BCL7C: variants seen among roughly 807,000 people sequenced by gnomAD.
BCL7C encodes the protein B-cell CLL/lymphoma 7 protein family member C.
A neutral mutation model predicts 26.2 loss-of-function variants in BCL7C; 8 were observed. That is an observed-to-expected ratio of 0.30 (90% CI 0.18 to 0.55). The LOEUF is 0.55. BCL7C is among the 20% of genes least tolerant of loss of function. The probability of loss-of-function intolerance (pLI) is 0.93; values close to 1 mark genes in which losing one functional copy is unlikely to be tolerated. For synonymous variants in BCL7C, 90 were observed against 116.5 expected (o/e 0.77, Z 1.47); for missense variants, 262 against 298.5 (o/e 0.88, Z 0.90).
downstream of BCL7C, among the ~76,000 whole-genome samples, chr16:30,886,121 T>G (rs567816932): frequency 1.3e-5 from 2 of 152,324 alleles, no homozygotes; most frequent in South Asian, 4.1e-4. Flanking sequence ...ATTACAGGTG[T>G]GAGCCACCAC....
intron 5 of BCL7C, among the ~76,000 whole-genome samples, chr16:30,871,720 G>T (rs2054884068): frequency 6.6e-6 from 1 of 152,078 alleles, no homozygotes; most frequent in African/African-American, 2.4e-5. Context: ...CCTGACCTCA[G>T]GTGATCTGCC....
At chr16:30,845,629 G>A (rs1219880035) in intron 5 of BCL7C, among the ~76,000 whole-genome samples, 1 of 152,134 alleles carries the variant, frequency 6.6e-6, no homozygotes, top group Non-Finnish European at 1.5e-5. Flanking sequence ...AGCCCTTGTG[G>A]GAGAAGATTC....
intron 5 of BCL7C, among the ~76,000 whole-genome samples, chr16:30,847,013 G>A (rs1442208760): frequency 6.6e-6 from 1 of 152,184 alleles, no homozygotes; most frequent in Non-Finnish European, 1.5e-5. Context: ...GTACAGTCGA[G>A]TTATTACAAA....
rs904637041 is a variant in BCL7C, at chr16:30,852,485, A to G, written c.529-17337T>C. The stretch of plus-strand genomic sequence containing the variant: ...ACTTTTGCACTCACTTAGTAACTTT[A>G]TAACTTTTTTTTTTTTTTTTTTTTG... On this transcript the variant is annotated intron_variant, in intron 5 of 5. Coordinates refer to the BCL7C transcript ENST00000380317. Among the ~76,000 whole-genome samples, 5 of 150,676 alleles carry G rather than the reference A, an allele frequency of 3.3e-5. No homozygotes were observed. In the East Asian group the frequency reaches 9.7e-4, roughly 29 times the overall value.
chr16:30,868,739 T>C (rs570300372), intron 5 of BCL7C, among the ~76,000 whole-genome samples: 3 of 151,624 alleles, frequency 2.0e-5, no homozygotes, highest in South Asian at 2.1e-4. Context: ...GAGCGGAGAT[T>C]GCGCCATTGC....
At chr16:30,868,129 GT>G (rs11404665) in intron 5 of BCL7C, among the ~76,000 whole-genome samples, 49 of 131,618 alleles carry the variant, frequency 3.7e-4, no homozygotes, top group South Asian at 9.7e-4. Context: ...AAATCTGTGG[GT>G]TTTTTTTTTT....
intron 5 of BCL7C, among the ~76,000 whole-genome samples, chr16:30,880,585 G>T (rs1045233587): frequency 2.6e-5 from 4 of 151,976 alleles, no homozygotes; most frequent in Non-Finnish European, 5.9e-5. Flanking sequence ...TGACTCTGGG[G>T]AGTTGGAGAT....
chr16:30,858,977 T>C (rs1041506993), intron 5 of BCL7C, among the ~76,000 whole-genome samples: 2 of 152,144 alleles, frequency 1.3e-5, no homozygotes, highest in South Asian at 2.1e-4. Flanking sequence ...CCATCTACAA[T>C]ACTACAAGCC....
At chr16:30,869,312 A>C (rs2054861511) in intron 5 of BCL7C, among the ~76,000 whole-genome samples, 1 of 151,352 alleles carries the variant, frequency 6.6e-6, no homozygotes, top group Admixed American at 6.6e-5. Context: ...AGGTTCCAGC[A>C]ATCCTCCCAC....
chr16:30,843,002 A>G (rs2054611978), intron 5 of BCL7C, among the ~76,000 whole-genome samples: 1 of 152,244 alleles, frequency 6.6e-6, no homozygotes, highest in South Asian at 2.1e-4. Flanking sequence ...AAAAAGTTAC[A>G]AGAGCTCAAA....
At position 30,892,955 on chromosome 16, in the gene BCL7C, G is replaced by C. The variant is rs776264213; in HGVS notation, c.172-7C>G. The C allele has an allele frequency of 1.9e-6, 3 of 1,610,850 alleles. No individual in the cohort carries two copies. Among genetic ancestry groups the C allele is most frequent in the Non-Finnish European group, 2.5e-6 (3 of 1,178,598 alleles). On this transcript the variant is annotated splice_polypyrimidine_tract_variant and splice_region_variant and intron_variant, in intron 2 of 5. Transcript: ENST00000215115. ...CACCTGCCCGCCTTCGCTCCTGGGG[G>C]TTAGAGGATTAGGGTCAGAGCTCTT... is the stretch of plus-strand genomic sequence containing the variant.
At chr16:30,870,482 T>C (rs561710706) in intron 5 of BCL7C, among the ~76,000 whole-genome samples, 5 of 151,478 alleles carry the variant, frequency 3.3e-5, no homozygotes, top group Admixed American at 6.6e-5. Context: ...GTGGCCAACA[T>C]AGTGAGACCC....
At chr16:30,855,337 C>T (rs2054710493) in intron 5 of BCL7C, among the ~76,000 whole-genome samples, 1 of 152,086 alleles carries the variant, frequency 6.6e-6, no homozygotes, top group African/African-American at 2.4e-5. Flanking sequence ...CTCCTGGGTT[C>T]AAGCGATTTG....
chr16:30,881,673 C>G (rs1415475510), intron 5 of BCL7C, among the ~76,000 whole-genome samples: 1 of 152,150 alleles, frequency 6.6e-6, no homozygotes, highest in African/African-American at 2.4e-5. Context: ...ACTCACTCCC[C>G]TGCCCCTCCC....
At chr16:30,865,627 T>A (rs1345564219) in intron 5 of BCL7C, among the ~76,000 whole-genome samples, 1 of 151,992 alleles carries the variant, frequency 6.6e-6, no homozygotes, top group Admixed American at 6.6e-5. Flanking sequence ...TTCAAGGTAC[T>A]GGCAGTAGGA....
intron 4 of BCL7C, 52 bp downstream of exon 4, chr16:30,892,534 T>C: frequency 6.6e-7 from 1 of 1,512,116 alleles, no homozygotes; most frequent in Non-Finnish European, 8.8e-7. Flanking sequence ...GGTTAGACTC[T>C]GGAGAAGACA....
chr16:30,870,968 G>C (rs1172220137), intron 5 of BCL7C, among the ~76,000 whole-genome samples: 2 of 152,200 alleles, frequency 1.3e-5, no homozygotes, highest in African/African-American at 2.4e-5. Context: ...AATAGCGCCT[G>C]GGAAGTAGCG....
intron 5 of BCL7C, among the ~76,000 whole-genome samples, chr16:30,867,030 G>A (rs2054835654): frequency 6.6e-6 from 1 of 152,204 alleles, no homozygotes. Flanking sequence ...CTCCATCCTG[G>A]ATGACAGGGA....
At chr16:30,876,993 A>G (rs189750761) in intron 5 of BCL7C, among the ~76,000 whole-genome samples, 1 of 152,256 alleles carries the variant, frequency 6.6e-6, no homozygotes, top group Admixed American at 6.5e-5. Flanking sequence ...GAGGAGGTGG[A>G]GAAGGTGAGC....
Sources: gnomAD v4.1 joint callset for allele counts (sites outside exome capture counted in the v4.1 genomes callset) on GRCh38, gnomAD v4.1.1 for gene constraint, MANE v1.5 for transcripts, NCBI Gene and HGNC (gene_info 2026-07-23, HGNC 2026-07-21) for gene names.